KDM7A: variants seen among roughly 807,000 people sequenced by gnomAD.
The protein encoded by KDM7A is lysine demethylase 7A.
KDM7A carries 28 observed loss-of-function variants against 114.8 expected under a neutral mutation model. The observed-to-expected ratio is 0.24, with a 90% CI of 0.18 to 0.33. KDM7A has a LOEUF of 0.33. KDM7A is among the 10% of genes least tolerant of loss of function. The pLI, the probability that KDM7A is intolerant of heterozygous loss-of-function variation, is 1.00. For synonymous variants in KDM7A, 423 were observed against 397.8 expected (o/e 1.06, Z -0.75); for missense variants, 942 against 1,142.5 (o/e 0.82, Z 2.53).
Position 140,089,173 on chromosome 7 carries a change from C to T in KDM7A, c.*1921G>A, listed in dbSNP as rs1002186886. 1.3e-5 allele frequency: 2 copies of T among 152,096 alleles called. No individual in the cohort carries two copies. Among genetic ancestry groups the T allele is most frequent in the African/African-American group, 4.8e-5 (2 of 41,436 alleles). 9.4% of individuals were successfully genotyped at this position (152,096 alleles called of 1,614,324 possible). ...AGATAAGATGACTCTACCCATCTTTCCACTGGTTTTGGCATAGTGTAGACA... is the reference window on the plus strand; with the variant it reads ...AGATAAGATGACTCTACCCATCTTTTCACTGGTTTTGGCATAGTGTAGACA... On this transcript the variant is annotated 3_prime_UTR_variant, in exon 20 of 20. Transcript: ENST00000397560.
Position 140,176,304 on chromosome 7 carries a change from G to A in KDM7A, c.194+440C>T, listed in dbSNP as rs1163406418. On this transcript the variant is annotated intron_variant, in intron 1 of 19. Coordinates refer to ENST00000397560, the MANE Select transcript of KDM7A (RefSeq NM_030647.2). The surrounding 1 kb of genome is among the most constrained non-coding windows in gnomAD (Gnocchi z 4.4). ...GGAAGGCAGGCGCGTCGGCCGGCCG[G>A]GCAGAGCGGCGGGGCGGCCGGCGAC... Among the ~76,000 whole-genome samples, 1 of 146,664 alleles carries A rather than the reference G, an allele frequency of 6.8e-6. No individual in the cohort carries two copies. Among genetic ancestry groups the A allele is most frequent in the African/African-American group, 2.5e-5 (1 of 40,780 alleles).
rs1027580687 is a variant in KDM7A at position 140,088,605 on chromosome 7, T to C, written c.*2489A>G. 4.5e-5 allele frequency: 18 copies of C among 397,498 alleles called. No homozygotes were observed. The highest frequency in any genetic ancestry group is 7.1e-5 in the Non-Finnish European group (16 of 225,332). 24.6% of individuals were successfully genotyped at this position (397,498 alleles called of 1,614,324 possible). The stretch of plus-strand genomic sequence containing the variant: ...TTATGGCCAGTAATGTTATAAGACG[T>C]TTGACCAGGAGTCACTGGATCAGTG... On this transcript the variant is annotated 3_prime_UTR_variant, in exon 20 of 20. Coordinates refer to ENST00000397560, the MANE Select transcript of KDM7A (RefSeq NM_030647.2).
At chr7:140,095,548 A>G (rs184272683) in intron 17 of KDM7A, 96 of 198,750 alleles carry the variant, frequency 4.8e-4, no homozygotes, top group African/African-American at 1.8e-3. Context: ...TACCTGTAAA[A>G]TGGGAGTGAT....
At position 140,176,509 on chromosome 7, in the gene KDM7A, T is replaced by C. The variant is rs893861338; in HGVS notation, c.194+235A>G. ...GCCGGCCCTCTTTGTTCGTGTTTGT[T>C]GTGGCGACTCTTCGCCCGGGCCAGG... On this transcript the variant is annotated intron_variant, in intron 1 of 19. Coordinates refer to ENST00000397560, the MANE Select transcript of KDM7A (RefSeq NM_030647.2). This position sits in a 1 kb window ranked among gnomAD's most constrained non-coding sequence, Gnocchi z 4.4. Among the ~76,000 whole-genome samples, 1 of 146,584 alleles carries C rather than the reference T, an allele frequency of 6.8e-6. No homozygotes were observed. The highest frequency in any genetic ancestry group is 2.4e-5 in the African/African-American group (1 of 40,836).
At chr7:140,159,242 G>A (rs988782582) in intron 1 of KDM7A, among the ~76,000 whole-genome samples, 2 of 152,182 alleles carry the variant, frequency 1.3e-5, no homozygotes, top group East Asian at 1.9e-4. Flanking sequence ...AACTACTCAG[G>A]AGGCTGAGGC....
intron 1 of KDM7A, among the ~76,000 whole-genome samples, chr7:140,154,497 A>AT (rs1794436620): frequency 7.0e-6 from 1 of 143,200 alleles, no homozygotes; most frequent in Non-Finnish European, 1.5e-5. Flanking sequence ...GTCTCTTAAA[A>AT]TTAAAAAAAA....
Position 140,098,944 on chromosome 7 carries a change from AT to A in KDM7A, c.1852del (p.Met618Ter). The A allele has an allele frequency of 6.2e-7, 1 of 1,612,842 alleles. No individual in the cohort carries two copies. The highest frequency in any genetic ancestry group is 8.5e-7 in the Non-Finnish European group (1 of 1,179,544). On this transcript the variant is annotated frameshift_variant, in exon 14 of 20. Coordinates refer to ENST00000397560, the MANE Select transcript of KDM7A (RefSeq NM_030647.2). ...EDKRRTKKAK[M>X]KIEESSGVEG... Reference sequence around the variant, plus strand: ...TACTCCTGAACTCTCTTCTATCTTCATTTTTGCCTTTTTTGTCCTTCTTTTA... The same window carrying A: ...TACTCCTGAACTCTCTTCTATCTTCATTTTGCCTTTTTTGTCCTTCTTTTA...
In KDM7A at chr7:140,133,623, T is replaced by C; in HGVS notation, c.314A>G (p.Tyr105Cys). The change falls in exon 3 of 20, where the codon TAC becomes TGC. Residue 105 changes from tyrosine (Y) to cysteine (C), a missense_variant. By Grantham distance (194) the Tyr-to-Cys change is radical. This residue lies in a region of KDM7A where 318 missense variants were observed against 453.1 expected (regional missense o/e 0.70). Coordinates refer to ENST00000397560, the MANE Select transcript of KDM7A (RefSeq NM_030647.2). Reference sequence around the variant, plus strand: ...TTTGGAACCATCATCAATTTCTGTGTAGTCATGTCTGTGCCAGTTCCTCCT... The same window carrying C: ...TTTGGAACCATCATCAATTTCTGTGCAGTCATGTCTGTGCCAGTTCCTCCT... ...KKRRNWHRHD[Y>C]TEIDDGSKPV... 1 of 1,610,728 alleles carries C rather than the reference T, an allele frequency of 6.2e-7. No individual in the cohort carries two copies. Among genetic ancestry groups the C allele is most frequent in the East Asian group, 2.2e-5 (1 of 44,822 alleles).
chr7:140,101,007 C>CA (rs1818217452), intron 12 of KDM7A, among the ~76,000 whole-genome samples: 1 of 151,166 alleles, frequency 6.6e-6, no homozygotes, highest in Non-Finnish European at 1.5e-5. Flanking sequence ...CTCGGCCTCC[C>CA]AATTTTTTTT....
chr7:140,133,477 C>A, intron 3 of KDM7A, 62 bp downstream of exon 3: 1 of 938,802 alleles, frequency 1.1e-6, no homozygotes, highest in South Asian at 1.5e-5. Context: ...TATATAATGT[C>A]ACTCTATGAG....
intron 18 of KDM7A, among the ~76,000 whole-genome samples, chr7:140,093,262 C>A (rs1818052275): frequency 6.6e-6 from 1 of 152,278 alleles, no homozygotes; most frequent in South Asian, 2.1e-4. Flanking sequence ...CTGCTGAGGT[C>A]TTTCGGTGCC....
rs558379371 is a variant in KDM7A at position 140,176,891 on chromosome 7, G to C, written c.47C>G (p.Ala16Gly). 4.0e-4 allele frequency: 475 copies of C among 1,192,396 alleles called. 4 individuals are homozygous for C. Among genetic ancestry groups the C allele is most frequent in the Middle Eastern group, 2.2e-3 (8 of 3,710 alleles). The allele number at this position is 1,192,396 out of a possible 1,614,324, so 73.9% of individuals were successfully genotyped here. The change falls in exon 1 of 20, where the codon GCC becomes GGC. Residue 16 changes from alanine (A) to glycine (G), a missense_variant. By Grantham distance (60) the Ala-to-Gly change is moderately conservative. This residue lies in a region of KDM7A where 112 missense variants were observed against 96.2 expected (regional missense o/e 1.16). Transcript: ENST00000397560. The surrounding 1 kb of genome is among the most constrained non-coding windows in gnomAD (Gnocchi z 4.4). ...CGCCACCGACACGGCTGCCGCGGCG[G>C]CTCCAGCTGCTGCTCCCGCGGCCAC... ...AAVAAGAAAG[A>G]AAAAVSVAAP...
At chr7:140,147,805 G>C (rs1157636533) in intron 1 of KDM7A, among the ~76,000 whole-genome samples, 1 of 152,144 alleles carries the variant, frequency 6.6e-6, no homozygotes, top group Non-Finnish European at 1.5e-5. Flanking sequence ...CCATGACACC[G>C]GATAAACACA....
At position 140,151,373 on chromosome 7, in the gene KDM7A, T is replaced by C. The variant is rs78745253; in HGVS notation, c.195-12183A>G. On this transcript the variant is annotated intron_variant, in intron 1 of 19. Coordinates refer to ENST00000397560, the MANE Select transcript of KDM7A (RefSeq NM_030647.2). ...GATCTACCTAAAGCTGATTACATAG[T>C]GGATTCTCACACAATATTTACTGAT... 3.9e-5 allele frequency among the ~76,000 whole-genome samples: 6 copies of C among 152,264 alleles called. No individual in the cohort carries two copies. The East Asian group carries it at 9.7e-4, about 25-fold the overall frequency.
intron 18 of KDM7A, among the ~76,000 whole-genome samples, chr7:140,093,579 A>G (rs1343091277): frequency 6.6e-6 from 1 of 152,176 alleles, no homozygotes; most frequent in Admixed American, 6.5e-5. Flanking sequence ...ATAAAGTTTT[A>G]GTTTTTTCAA....
At chr7:140,171,563 A>ATATATT (rs999817566) in intron 1 of KDM7A, among the ~76,000 whole-genome samples, 1 of 111,796 alleles carries the variant, frequency 8.9e-6, no homozygotes, top group African/African-American at 3.5e-5. Context: ...ATTTATTTTT[A>ATATATT]TATATTTATA....
intron 1 of KDM7A, among the ~76,000 whole-genome samples, chr7:140,141,504 C>G (rs1794277185): frequency 1.3e-5 from 2 of 152,104 alleles, no homozygotes; most frequent in Admixed American, 1.3e-4. Flanking sequence ...CACGGAAGAG[C>G]ACACGGCAAG....
intron 1 of KDM7A, among the ~76,000 whole-genome samples, chr7:140,168,501 G>A (rs755435669): frequency 2.0e-4 from 30 of 151,872 alleles, no homozygotes; most frequent in South Asian, 4.2e-4. Context: ...CTGAGAGGTC[G>A]AGGCTGCAGT....
chr7:140,107,344 T>C (rs1218136793), intron 11 of KDM7A, among the ~76,000 whole-genome samples: 1 of 152,222 alleles, frequency 6.6e-6, no homozygotes, highest in Non-Finnish European at 1.5e-5. Context: ...TGCTTGTTAG[T>C]TGGTGCAGTT....
Sources: gnomAD v4.1 joint callset for allele counts (sites outside exome capture counted in the v4.1 genomes callset) on GRCh38, gnomAD v4.1.1 for gene constraint, gnomAD v4.1.1 regional missense constraint, Gnocchi (gnomAD v3.1) non-coding constraint, MANE v1.5 for transcripts, NCBI Gene and HGNC (gene_info 2026-07-23, HGNC 2026-07-21) for gene names.